The following RBMS1 variants were observed in gnomAD, a reference collection of about 807,000 sequenced individuals.
RBMS1 encodes the protein RNA-binding motif, single-stranded-interacting protein 1.
A neutral mutation model predicts 62.3 loss-of-function variants in RBMS1; 17 were observed. The ratio of observed to expected loss-of-function variants is 0.27; its 90% CI spans 0.19 to 0.41. The LOEUF (loss-of-function observed/expected upper bound fraction) is 0.41, where lower values mean the gene tolerates loss of function less well. Ranked by LOEUF, RBMS1 falls within the 10% of genes least tolerant of loss-of-function variation. The pLI, the probability that RBMS1 is intolerant of heterozygous loss-of-function variation, is 1.00. For missense variants in RBMS1, 334 were observed against 504.5 expected (o/e 0.66, Z 3.24); for synonymous variants, 172 against 170.0 (o/e 1.01, Z -0.09).
Position 160,274,123 on chromosome 2 carries a change from C to G in RBMS1, c.*649G>C, listed in dbSNP as rs1050704841. 3.9e-5 allele frequency: 6 copies of G among 152,724 alleles called. No individual in the cohort carries two copies. Among genetic ancestry groups the G allele is most frequent in the Middle Eastern group, 3.4e-3 (1 of 294 alleles). 9.5% of individuals were successfully genotyped at this position (152,724 alleles called of 1,614,324 possible). On this transcript the variant is annotated 3_prime_UTR_variant, in exon 14 of 14. Coordinates refer to ENST00000348849, the MANE Select transcript of RBMS1 (RefSeq NM_016836.4). ...AAGCATTCTACATCATTAGTTTGAA[C>G]TAACTTTTACTGAAACAGCTACAGC...
chr2:160,449,039 G>A (rs1179718050), intron 1 of RBMS1, among the ~76,000 whole-genome samples: 1 of 151,666 alleles, frequency 6.6e-6, no homozygotes, highest in East Asian at 2.0e-4. Flanking sequence ...TCTGAGAAGT[G>A]AGGAGCCCCT....
rs199934053 is a variant in RBMS1 at position 160,490,319 on chromosome 2, C to A, written c.75+2970G>T. Among the ~76,000 whole-genome samples the A allele has an allele frequency of 6.9e-3, 978 of 141,432 alleles. 6 individuals are homozygous for A. Among genetic ancestry groups the A allele is most frequent in the Non-Finnish European group, 0.012 (775 of 63,890 alleles). The allele number at this position is 141,432 out of a possible 152,430, so 92.8% of individuals were successfully genotyped here. On this transcript the variant is annotated intron_variant, in intron 1 of 13. Transcript: ENST00000348849. ...CTCACTGAGAAATAAAAAAAAAAAA[C>A]AAAAAACCAACAGCATGTGAAATCA...
intron 1 of RBMS1, among the ~76,000 whole-genome samples, chr2:160,447,185 C>G (rs943995615): frequency 2.0e-5 from 3 of 152,132 alleles, no homozygotes; most frequent in South Asian, 4.1e-4. Flanking sequence ...ACATGGCCAT[C>G]CTTCAAGGTC....
In RBMS1 at chr2:160,287,010, G is replaced by A; in HGVS notation, c.715C>T (p.Pro239Ser). The A allele has an allele frequency of 6.2e-7, 1 of 1,613,240 alleles. No homozygotes were observed. Among genetic ancestry groups the A allele is most frequent in the Non-Finnish European group, 8.5e-7 (1 of 1,179,926 alleles). Residue 239 changes from proline (P) to serine (S), a missense_variant, in exon 7 of 14, where the codon CCT (proline) becomes TCT (serine). Physicochemically the swap from Pro to Ser is moderately conservative, Grantham distance 74. Transcript: ENST00000348849. ...KKRQNPNKYI[P>S]NGRPWHREGE... Reference sequence around the variant, plus strand: ...TCTCTATGCCATGGTCTTCCATTAGGGATGTATTTGTTTGGGTTCTGTCTC... The same window carrying A: ...TCTCTATGCCATGGTCTTCCATTAGAGATGTATTTGTTTGGGTTCTGTCTC...
chr2:160,384,671 G>A (rs1694473035), intron 1 of RBMS1, among the ~76,000 whole-genome samples: 1 of 152,148 alleles, frequency 6.6e-6, no homozygotes. Context: ...GTGAGGAGGA[G>A]GATACCATCT....
chr2:160,449,873 C>A (rs1471492650), intron 1 of RBMS1, among the ~76,000 whole-genome samples: 2 of 152,064 alleles, frequency 1.3e-5, no homozygotes, highest in Non-Finnish European at 2.9e-5. Context: ...AGAATACCTG[C>A]CCTGCTTGGT....
At chr2:160,493,240 TC>T (rs753002011) in intron 1 of RBMS1, 48 bp downstream of exon 1, 3 of 1,567,914 alleles carry the variant, frequency 1.9e-6, no homozygotes, top group Non-Finnish European at 2.6e-6. Flanking sequence ...CCTGCGCGCG[TC>T]CCCGGGCCCC....
intron 1 of RBMS1, among the ~76,000 whole-genome samples, chr2:160,383,314 T>C (rs1694376899): frequency 6.6e-6 from 1 of 152,066 alleles, no homozygotes; most frequent in Non-Finnish European, 1.5e-5. Context: ...CTCTGCATCC[T>C]ATCCTCTTCT....
intron 1 of RBMS1, among the ~76,000 whole-genome samples, chr2:160,389,456 G>A (rs931066114): frequency 6.6e-6 from 1 of 152,004 alleles, no homozygotes; most frequent in East Asian, 1.9e-4. Flanking sequence ...CCAGCACTTC[G>A]GGAGGCCAAG....
intron 1 of RBMS1, among the ~76,000 whole-genome samples, chr2:160,406,597 T>C (rs1695720988): frequency 6.6e-6 from 1 of 152,266 alleles, no homozygotes; most frequent in Admixed American, 6.5e-5. Context: ...CAATTTAACC[T>C]TTTCTAAACA....
In RBMS1 at chr2:160,373,097, A is replaced by G. The variant is rs141851967; in HGVS notation, c.76-5706T>C. Among the ~76,000 whole-genome samples the G allele has an allele frequency of 4.5e-4, 69 of 152,364 alleles. 1 individual carries two copies. In the East Asian group the frequency reaches 0.013, roughly 28 times the overall value. On this transcript the variant is annotated intron_variant, in intron 1 of 13. Transcript: ENST00000348849. ...TGGAAAAAAACTTTGCAGCTTCTCAAGACTGTGAAACTGACCAATAGAGTA... is the reference window on the plus strand; with the variant it reads ...TGGAAAAAAACTTTGCAGCTTCTCAGGACTGTGAAACTGACCAATAGAGTA...
At chr2:160,434,431 C>A (rs555179978) in intron 1 of RBMS1, among the ~76,000 whole-genome samples, 3 of 152,078 alleles carry the variant, frequency 2.0e-5, no homozygotes, top group Admixed American at 6.5e-5. Context: ...CTTTTCCCCC[C>A]ACATTGCTCA....
intron 2 of RBMS1, among the ~76,000 whole-genome samples, chr2:160,335,757 C>T (rs953064808): frequency 6.6e-6 from 1 of 152,178 alleles, no homozygotes; most frequent in Non-Finnish European, 1.5e-5. Flanking sequence ...GTAATGTTAA[C>T]TGTTCTTAGC....
intron 1 of RBMS1, chr2:160,407,937 G>GCGCAC (rs1695848550): frequency 1.0e-6 from 1 of 979,570 alleles, no homozygotes; most frequent in Non-Finnish European, 1.2e-6. Flanking sequence ...GGAGGCGGCA[G>GCGCAC]CGCACCGCCT....
At position 160,303,495 on chromosome 2, in the gene RBMS1, A is replaced by T; in HGVS notation, c.403-8T>A. On this transcript the variant is annotated splice_region_variant and splice_polypyrimidine_tract_variant and intron_variant, in intron 4 of 13. Transcript: ENST00000348849. The stretch of plus-strand genomic sequence containing the variant: ...AGGATCTTGTTCCTGTTGCTAAAAC[A>T]GAAGAGAGTGTTGTCCATTAATTTC... The T allele has an allele frequency of 6.2e-7, 1 of 1,601,940 alleles. No homozygotes were observed. The highest frequency in any genetic ancestry group is 8.5e-7 in the Non-Finnish European group (1 of 1,175,424).
At chr2:160,349,950 A>T (rs1320720335) in intron 2 of RBMS1, among the ~76,000 whole-genome samples, 2 of 152,000 alleles carry the variant, frequency 1.3e-5, no homozygotes, top group East Asian at 3.9e-4. Context: ...GTCCTGAAGG[A>T]TATGAAGGAA....
chr2:160,324,653 G>A (rs1310297736), intron 2 of RBMS1, among the ~76,000 whole-genome samples: 4 of 151,786 alleles, frequency 2.6e-5, no homozygotes, highest in South Asian at 4.2e-4. Flanking sequence ...GACAAACAGG[G>A]ATTCACACAT....
intron 1 of RBMS1, among the ~76,000 whole-genome samples, chr2:160,433,308 G>A (rs1027752392): frequency 2.9e-4 from 44 of 152,076 alleles, no homozygotes; most frequent in African/African-American, 1.0e-3. Flanking sequence ...TCAGCTACTC[G>A]GGAGGCTGAG....
intron 1 of RBMS1, among the ~76,000 whole-genome samples, chr2:160,395,280 T>C (rs1352617371): frequency 2.0e-5 from 3 of 152,220 alleles, no homozygotes; most frequent in Non-Finnish European, 4.4e-5. Flanking sequence ...TGTATCTTAG[T>C]AAGCACAATT....
Sources: gnomAD v4.1 joint callset for allele counts (sites outside exome capture counted in the v4.1 genomes callset) on GRCh38, gnomAD v4.1.1 for gene constraint, MANE v1.5 for transcripts, NCBI Gene and HGNC (gene_info 2026-07-23, HGNC 2026-07-21) for gene names.